Variants in EPB41L2 observed in about 807,000 individuals in gnomAD.
EPB41L2 encodes the protein erythrocyte membrane protein band 4.1 like 2.
Under a neutral mutation model 113.0 loss-of-function variants are expected in EPB41L2, and 43 were observed. That is an observed-to-expected ratio of 0.38 (90% CI 0.30 to 0.49). The LOEUF is 0.49. Among genes scored for constraint, EPB41L2 ranks in the 20% least tolerant of loss-of-function variants. The pLI, the probability that EPB41L2 is intolerant of heterozygous loss-of-function variation, is 0.95. For synonymous variants in EPB41L2, 442 were observed against 436.7 expected (o/e 1.01, Z -0.15); for missense variants, 1,147 against 1,223.4 (o/e 0.94, Z 0.93).
chr6:130,850,747 TAGTC>T (rs1212759664), intron 19 of EPB41L2, among the ~76,000 whole-genome samples: 3 of 152,288 alleles, frequency 2.0e-5, no homozygotes, highest in East Asian at 1.9e-4. Flanking sequence ...GAAAAAATAA[TAGTC>T]AGTAATGGTT....
At chr6:130,945,528 T>C (rs969500502) in intron 3 of EPB41L2, among the ~76,000 whole-genome samples, 2 of 152,216 alleles carry the variant, frequency 1.3e-5, no homozygotes, top group Non-Finnish European at 2.9e-5. Context: ...AACTTTGAGA[T>C]GCCAGAGGAA....
chr6:130,900,711 CATGGGGAAA>C lies in EPB41L2; in HGVS notation c.1148+242_1148+250del, dbSNP rs1252057743. On this transcript the variant is annotated intron_variant, in intron 7 of 19. Transcript: ENST00000337057. ...TAGGGGGATAGGGAGAAGAAGGTGTCATGGGGAAAAGTACATTTTTCCAATACATGAAAA... is the reference window on the plus strand; with the variant it reads ...TAGGGGGATAGGGAGAAGAAGGTGTCAGTACATTTTTCCAATACATGAAAA... 3.3e-5 allele frequency among the ~76,000 whole-genome samples: 5 copies of C among 152,242 alleles called. No individual in the cohort carries two copies. In the South Asian group the frequency reaches 8.3e-4, roughly 25 times the overall value.
chr6:130,899,461 T>C (rs773023972), intron 8 of EPB41L2, 30 bp downstream of exon 8: 18 of 1,581,292 alleles, frequency 1.1e-5, no homozygotes, highest in East Asian at 4.5e-5. Context: ...CAGACTACTA[T>C]GATGCTACTC....
At chr6:131,059,435 T>C (rs548904011) in intron 1 of EPB41L2, among the ~76,000 whole-genome samples, 41 of 152,208 alleles carry the variant, frequency 2.7e-4, no homozygotes, top group Non-Finnish European at 5.3e-4. Context: ...ACAACTCTAA[T>C]AGCTAACTTG....
chr6:131,023,243 C>A (rs759419596), intron 1 of EPB41L2, among the ~76,000 whole-genome samples: 5 of 152,214 alleles, frequency 3.3e-5, no homozygotes, highest in Non-Finnish European at 5.9e-5. Flanking sequence ...ATTATTTCAT[C>A]TGCTACCCTA....
chr6:130,929,166 A>T (rs570205792), intron 3 of EPB41L2, among the ~76,000 whole-genome samples: 1 of 152,348 alleles, frequency 6.6e-6, no homozygotes, highest in Non-Finnish European at 1.5e-5. Flanking sequence ...CACATGAAGC[A>T]CATGTTGAGA....
chr6:130,929,536 T>C (rs917380500), intron 3 of EPB41L2, among the ~76,000 whole-genome samples: 1 of 152,156 alleles, frequency 6.6e-6, no homozygotes, highest in Non-Finnish European at 1.5e-5. Flanking sequence ...TAGCACTCAA[T>C]CTTTATTGAC....
intron 10 of EPB41L2, among the ~76,000 whole-genome samples, chr6:130,891,723 C>G (rs1345881751): frequency 6.6e-6 from 1 of 152,174 alleles, no homozygotes; most frequent in Non-Finnish European, 1.5e-5. Context: ...GCTGGGATTA[C>G]AGGCATGAGC....
At chr6:130,985,484 C>T (rs1780344154) in intron 1 of EPB41L2, among the ~76,000 whole-genome samples, 1 of 152,192 alleles carries the variant, frequency 6.6e-6, no homozygotes, top group African/African-American at 2.4e-5. Context: ...GGAACCAGTG[C>T]ATAAGCTAGA....
intron 1 of EPB41L2, among the ~76,000 whole-genome samples, chr6:131,042,462 G>A (rs1331491087): frequency 6.6e-6 from 1 of 152,174 alleles, no homozygotes; most frequent in Admixed American, 6.5e-5. Context: ...AAACAAGGTG[G>A]TGAGGAAATG....
At chr6:130,936,511 A>T (rs1296955757) in intron 3 of EPB41L2, among the ~76,000 whole-genome samples, 1 of 152,212 alleles carries the variant, frequency 6.6e-6, no homozygotes, top group Non-Finnish European at 1.5e-5. Context: ...CAGTCTAACC[A>T]AGTTATTTAA....
chr6:131,016,470 A>C (rs1401972834), intron 1 of EPB41L2, among the ~76,000 whole-genome samples: 1 of 133,916 alleles, frequency 7.5e-6, no homozygotes, highest in Non-Finnish European at 1.6e-5. Flanking sequence ...TAAGCATTTA[A>C]TAAGGAAACA....
At chr6:131,006,761 G>A (rs12202022) in intron 1 of EPB41L2, among the ~76,000 whole-genome samples, 3,428 of 151,652 alleles carry the variant, frequency 0.023, 68 homozygotes, top group South Asian at 0.092. Flanking sequence ...ACTAGGTTTT[G>A]AAAAATCCTG....
intron 4 of EPB41L2, among the ~76,000 whole-genome samples, chr6:130,921,487 T>C (rs997978401): frequency 6.6e-6 from 1 of 152,110 alleles, no homozygotes; most frequent in African/African-American, 2.4e-5. Flanking sequence ...TCTTTCCTAT[T>C]AAGAGAGGCT....
At chr6:130,950,475 T>C (rs982223577) in intron 3 of EPB41L2, among the ~76,000 whole-genome samples, 4 of 152,102 alleles carry the variant, frequency 2.6e-5, no homozygotes, top group African/African-American at 9.7e-5. Context: ...TATTAATTGC[T>C]GTAACTAACT....
At chr6:130,911,410 C>A (rs1021358589) in intron 4 of EPB41L2, among the ~76,000 whole-genome samples, 5 of 152,166 alleles carry the variant, frequency 3.3e-5, no homozygotes, top group Non-Finnish European at 7.4e-5. Flanking sequence ...AGGAGAAATA[C>A]TTAATGTAGA....
intron 1 of EPB41L2, among the ~76,000 whole-genome samples, chr6:131,057,759 G>A (rs1488945948): frequency 1.3e-5 from 2 of 152,192 alleles, no homozygotes; most frequent in Non-Finnish European, 2.9e-5. Context: ...GGTTGATGGT[G>A]AGGCCCTAAG....
intron 1 of EPB41L2, among the ~76,000 whole-genome samples, chr6:131,003,398 T>G (rs538972541): frequency 6.6e-6 from 1 of 152,312 alleles, no homozygotes; most frequent in African/African-American, 2.4e-5. Context: ...TATAAAAAGA[T>G]CCAATCCTTT....
At chr6:130,856,469 G>A (rs1213759907) in intron 19 of EPB41L2, among the ~76,000 whole-genome samples, 12 of 152,194 alleles carry the variant, frequency 7.9e-5, no homozygotes, top group Non-Finnish European at 1.8e-4. Context: ...AAACAAGAAT[G>A]GCTAATAACC....
Sources: gnomAD v4.1 joint callset for allele counts (sites outside exome capture counted in the v4.1 genomes callset) on GRCh38, gnomAD v4.1.1 for gene constraint, MANE v1.5 for transcripts, NCBI Gene and HGNC (gene_info 2026-07-23, HGNC 2026-07-21) for gene names.